The following NCR1 variants were observed in gnomAD, a reference collection of about 807,000 sequenced individuals.
NCR1 encodes natural cytotoxicity triggering receptor 1.
NCR1 carries 30 observed loss-of-function variants against 32.5 expected under a neutral mutation model. The observed-to-expected ratio is 0.92, with a 90% CI of 0.69 to 1.25. The LOEUF (loss-of-function observed/expected upper bound fraction) is 1.25, where lower values mean the gene tolerates loss of function less well. Ranked by LOEUF, NCR1 falls within the 50% of genes most tolerant of loss-of-function variation. The pLI is 0.00. For missense variants in NCR1, 369 were observed against 380.7 expected, an observed-to-expected ratio of 0.97 and a Z score of 0.26; for synonymous variants, 169 against 143.4, an observed-to-expected ratio of 1.18 and a Z score of -1.28.
At chr19:54,899,896 G>C in the NCR1 span, among the ~76,000 whole-genome samples, 10 of 152,270 alleles carry the variant, frequency 6.6e-5, no homozygotes, top group East Asian at 1.9e-3. Flanking sequence ...TTGGGTCCAC[G>C]AATAAAGCGC....
rs200970446 is a variant in NCR1 at position 54,910,027 on chromosome 19, A to G, written c.644A>G (p.Glu215Gly). Residue 215 changes from glutamate (E) to glycine (G), a missense_variant, in exon 5 of 7, where the codon GAG becomes GGG. Transcript: ENST00000291890. ...PVKLLVTGDI[E>G]NTSLAPEDPT... is the part of the protein sequence containing the mutation. Reference sequence around the variant, plus strand: ...TTATCTCCTTTTCCAGGCGACATTGAGAACACCAGCCTTGCACCTGAAGAC... The same window carrying G: ...TTATCTCCTTTTCCAGGCGACATTGGGAACACCAGCCTTGCACCTGAAGAC... The G allele has an allele frequency of 6.3e-5, 101 of 1,612,404 alleles. 1 individual carries two copies. The Admixed American group carries it at 1.7e-3, about 26-fold the overall frequency.
chr19:54,900,833 G>A, the NCR1 span, among the ~76,000 whole-genome samples: 1 of 152,080 alleles, frequency 6.6e-6, no homozygotes, highest in Admixed American at 6.6e-5. Flanking sequence ...GTCGGCATGG[G>A]GTTCTGAAGG....
upstream of NCR1, among the ~76,000 whole-genome samples, chr19:54,903,713 T>C (rs1463126497): frequency 6.7e-6 from 1 of 149,492 alleles, no homozygotes; most frequent in Non-Finnish European, 1.5e-5. Context: ...AAAAGGTATA[T>C]ATGTATATAT....
chr19:54,899,184 T>G, the NCR1 span, among the ~76,000 whole-genome samples: 4 of 152,148 alleles, frequency 2.6e-5, no homozygotes, highest in Non-Finnish European at 5.9e-5. Flanking sequence ...CAACAAGAAT[T>G]ATTTAGATCT....
In NCR1 at chr19:54,906,634, A is replaced by G. The variant is rs2067633325; in HGVS notation, c.182A>G (p.His61Arg). ...GNYGAVEYQL[H>R]FEGSLFAVDR... is the part of the protein sequence containing the mutation. ...TATGGGGCTGTTGAATACCAGCTGCACTTTGAAGGAAGCCTTTTTGCCGTG... is the reference window on the plus strand; with the variant it reads ...TATGGGGCTGTTGAATACCAGCTGCGCTTTGAAGGAAGCCTTTTTGCCGTG... Residue 61 changes from histidine (H) to arginine (R), a missense_variant, in exon 3 of 7, where the codon CAC (histidine) becomes CGC (arginine). By Grantham distance (29) the His-to-Arg change is conservative (BLOSUM62 0). Transcript: ENST00000291890. 1 of 1,614,216 alleles carries G rather than the reference A, an allele frequency of 6.2e-7. No homozygotes were observed. The highest frequency in any genetic ancestry group is 8.5e-7 in the Non-Finnish European group (1 of 1,180,048).
At chr19:54,911,142 C>A (rs1477239269) in intron 5 of NCR1, among the ~76,000 whole-genome samples, 1 of 151,712 alleles carries the variant, frequency 6.6e-6, no homozygotes, top group African/African-American at 2.4e-5. Flanking sequence ...GTCAGGAGAT[C>A]AAGACCATCC....
upstream of NCR1, among the ~76,000 whole-genome samples, chr19:54,904,719 A>G (rs1226111159): frequency 6.6e-6 from 1 of 151,702 alleles, no homozygotes; most frequent in Non-Finnish European, 1.5e-5. Context: ...TTTAGTAGAG[A>G]CAGGGTTTCT....
At chr19:54,925,816 T>G in the NCR1 span, among the ~76,000 whole-genome samples, 1 of 151,842 alleles carries the variant, frequency 6.6e-6, no homozygotes, top group African/African-American at 2.4e-5. Flanking sequence ...CTGGCCAACA[T>G]AGTGAAACCC....
downstream of NCR1, chr19:54,913,207 T>C: frequency 5.6e-6 from 1 of 177,238 alleles, no homozygotes; most frequent in Non-Finnish European, 1.2e-5. Flanking sequence ...ATTACAGGCA[T>C]GTGCCACCAC....
At chr19:54,929,910 C>G in the NCR1 span, among the ~76,000 whole-genome samples, 1 of 149,940 alleles carries the variant, frequency 6.7e-6, no homozygotes, top group South Asian at 2.1e-4. Flanking sequence ...GTCAGGAGAT[C>G]GAGACCATCC....
chr19:54,926,452 A>T, the NCR1 span, among the ~76,000 whole-genome samples: 1 of 151,994 alleles, frequency 6.6e-6, no homozygotes, highest in African/African-American at 2.4e-5. Context: ...TCCCAAAAAA[A>T]CTCTTCTCTG....
chr19:54,935,711 A>G, the NCR1 span, among the ~76,000 whole-genome samples: 2 of 142,396 alleles, frequency 1.4e-5, no homozygotes. Context: ...AAAAAAAAAA[A>G]AGATTCTCAT....
chr19:54,915,687 T>A (rs2068117484), downstream of NCR1: 1 of 151,716 alleles, frequency 6.6e-6, no homozygotes, highest in South Asian at 2.1e-4. Context: ...ATTTTTTCTT[T>A]ACCCCAACTC....
chr19:54,910,018 G>A lies in NCR1; in HGVS notation c.635G>A (p.Gly212Asp). ...PSEPVKLLVT[G>D]DIENTSLAPE... ...TTTTTTTCTTTATCTCCTTTTCCAG[G>A]CGACATTGAGAACACCAGCCTTGCA... The change falls in exon 5 of 7, where the codon GGC becomes GAC. Residue 212 changes from glycine to aspartate, a missense_variant and splice_region_variant. By Grantham distance (94) the Gly-to-Asp change is moderately conservative (BLOSUM62 -1). Transcript: ENST00000291890. 1 of 1,612,974 alleles carries A rather than the reference G, an allele frequency of 6.2e-7. No homozygotes were observed. The highest frequency in any genetic ancestry group is 8.5e-7 in the Non-Finnish European group (1 of 1,179,716).
At chr19:54,917,378 G>A (rs1371333092), downstream of NCR1, among the ~76,000 whole-genome samples, 1 of 151,968 alleles carries the variant, frequency 6.6e-6, no homozygotes, top group Non-Finnish European at 1.5e-5. Context: ...GGAATGCAGT[G>A]GTGCCATCTT....
the NCR1 span, chr19:54,930,612 G>A: frequency 1.2e-6 from 2 of 1,612,224 alleles, no homozygotes; most frequent in African/African-American, 2.7e-5. Context: ...AGGCTTCTTG[G>A]AGCGCCTCTG....
At chr19:54,933,821 G>A in the NCR1 span, 4 of 1,208,536 alleles carry the variant, frequency 3.3e-6, no homozygotes, top group Non-Finnish European at 4.9e-6. Flanking sequence ...ACATGCTAGG[G>A]TACTCAGCTT....
chr19:54,903,888 G>A (rs1399837792), upstream of NCR1, among the ~76,000 whole-genome samples: 1 of 151,360 alleles, frequency 6.6e-6, no homozygotes, highest in Non-Finnish European at 1.5e-5. Flanking sequence ...ACTTTGAGAG[G>A]CCGAGGCAGG....
At chr19:54,901,745 A>C (rs1390450331), upstream of NCR1, among the ~76,000 whole-genome samples, 3 of 152,212 alleles carry the variant, frequency 2.0e-5, no homozygotes, top group Non-Finnish European at 4.4e-5. Context: ...AGGCAGGTGG[A>C]TCAGTTGAGT....
Sources: gnomAD v4.1 joint callset for allele counts (sites outside exome capture counted in the v4.1 genomes callset) on GRCh38, gnomAD v4.1.1 for gene constraint, MANE v1.5 for transcripts, NCBI Gene and HGNC (gene_info 2026-07-23, HGNC 2026-07-21) for gene names.